The following SAMTOR variants were observed in gnomAD, a reference collection of about 807,000 sequenced individuals.
The protein encoded by SAMTOR is UPF0532 protein C7orf60.
chr7:112,876,631 A>G, the SAMTOR span, among the ~76,000 whole-genome samples: 1 of 152,138 alleles, frequency 6.6e-6, no homozygotes, highest in Non-Finnish European at 1.5e-5. Flanking sequence ...TGGTTTCTCC[A>G]TTAAAGAGTA....
At chr7:112,855,393 G>A in the SAMTOR span, among the ~76,000 whole-genome samples, 1 of 152,174 alleles carries the variant, frequency 6.6e-6, no homozygotes, top group Non-Finnish European at 1.5e-5. Context: ...GGCAGGCATG[G>A]CTGGTACTCT....
At chr7:112,907,275 T>G in the SAMTOR span, among the ~76,000 whole-genome samples, 9 of 152,132 alleles carry the variant, frequency 5.9e-5, no homozygotes, top group Admixed American at 3.3e-4. Context: ...GGGAAATGGA[T>G]AACTTTGGTA....
chr7:112,864,743 T>G, the SAMTOR span, among the ~76,000 whole-genome samples: 1 of 152,164 alleles, frequency 6.6e-6, no homozygotes, highest in East Asian at 1.9e-4. Context: ...TGGCTAAAGT[T>G]CTTCAAAAAT....
chr7:112,919,014 C>T, the SAMTOR span, among the ~76,000 whole-genome samples: 2 of 152,122 alleles, frequency 1.3e-5, no homozygotes, highest in Non-Finnish European at 2.9e-5. Context: ...CTTTAACACC[C>T]CACTGTCAAC....
chr7:112,849,398 G>T, the SAMTOR span, among the ~76,000 whole-genome samples: 1 of 152,110 alleles, frequency 6.6e-6, no homozygotes, highest in Admixed American at 6.5e-5. Flanking sequence ...ACTAGTATGT[G>T]ACCTTAGAAA....
chr7:112,923,679 CATCCCATTACTGGGT>C, the SAMTOR span, among the ~76,000 whole-genome samples: 1 of 151,880 alleles, frequency 6.6e-6, no homozygotes, highest in South Asian at 2.1e-4. Flanking sequence ...TTGACCCAGC[CATCCCATTACTGGGT>C]ATATACCCAA....
At chr7:112,824,604 G>A in the SAMTOR span, among the ~76,000 whole-genome samples, 10 of 151,938 alleles carry the variant, frequency 6.6e-5, no homozygotes, top group South Asian at 2.1e-4. Context: ...CTTGTGATCC[G>A]CCCACCTTGG....
the SAMTOR span, among the ~76,000 whole-genome samples, chr7:112,897,555 C>G: frequency 6.6e-6 from 1 of 152,148 alleles, no homozygotes; most frequent in East Asian, 1.9e-4. Context: ...CCAATATCCC[C>G]ATATACCCTC....
At chr7:112,892,055 T>A in the SAMTOR span, among the ~76,000 whole-genome samples, 1 of 152,254 alleles carries the variant, frequency 6.6e-6, no homozygotes, top group Non-Finnish European at 1.5e-5. Context: ...ACCCAACCAC[T>A]GCTTTATCAA....
chr7:112,911,291 T>C, the SAMTOR span, among the ~76,000 whole-genome samples: 27 of 152,022 alleles, frequency 1.8e-4, no homozygotes, highest in African/African-American at 4.6e-4. Context: ...TGCAAGAGAG[T>C]TGCACCTGTA....
At chr7:112,875,641 G>A in the SAMTOR span, among the ~76,000 whole-genome samples, 174 of 152,198 alleles carry the variant, frequency 1.1e-3, 1 homozygote, top group African/African-American at 4.1e-3. Context: ...CCTCTTAAGA[G>A]TATCATTACT....
At chr7:112,857,273 A>G in the SAMTOR span, among the ~76,000 whole-genome samples, 2 of 149,060 alleles carry the variant, frequency 1.3e-5, no homozygotes, top group African/African-American at 5.0e-5. Flanking sequence ...TTGTATTTTT[A>G]GTAGAGACGG....
chr7:112,922,107 C>T, the SAMTOR span, among the ~76,000 whole-genome samples: 4 of 152,142 alleles, frequency 2.6e-5, no homozygotes, highest in Admixed American at 6.5e-5. Flanking sequence ...AGGCGCGCGC[C>T]GCCACGCCTG....
the SAMTOR span, chr7:112,819,992 A>C: frequency 2.0e-5 from 3 of 152,400 alleles, no homozygotes; most frequent in Non-Finnish European, 4.4e-5. Context: ...ACAAGACATA[A>C]TCCTTCAGTG....
At chr7:112,928,397 A>C in the SAMTOR span, among the ~76,000 whole-genome samples, 27 of 151,782 alleles carry the variant, frequency 1.8e-4, no homozygotes, top group Non-Finnish European at 3.7e-4. Flanking sequence ...ATCATCTTAC[A>C]CTTCCCTCAT....
At chr7:112,826,677 T>G in the SAMTOR span, among the ~76,000 whole-genome samples, 1 of 152,158 alleles carries the variant, frequency 6.6e-6, no homozygotes, top group Non-Finnish European at 1.5e-5. Flanking sequence ...GCTCTTCTTT[T>G]TTCTTCTAGT....
the SAMTOR span, among the ~76,000 whole-genome samples, chr7:112,917,344 G>C: frequency 6.6e-5 from 10 of 152,248 alleles, no homozygotes; most frequent in Non-Finnish European, 4.4e-5. Context: ...ACAGGGTCTG[G>C]AGTGGACCTC....
the SAMTOR span, chr7:112,822,245 A>G: frequency 4.2e-5 from 67 of 1,613,562 alleles, no homozygotes; most frequent in Middle Eastern, 6.6e-4. Context: ...AAACAACCAC[A>G]TGGAAAAGCT....
chr7:112,909,126 G>A, the SAMTOR span, among the ~76,000 whole-genome samples: 1 of 152,174 alleles, frequency 6.6e-6, no homozygotes, highest in Admixed American at 6.5e-5. Flanking sequence ...TGCTTTTAAT[G>A]TCCAATGCCT....
Sources: gnomAD v4.1 joint callset for allele counts (sites outside exome capture counted in the v4.1 genomes callset) on GRCh38, gnomAD v4.1.1 for gene constraint, MANE v1.5 for transcripts, NCBI Gene and HGNC (gene_info 2026-07-23, HGNC 2026-07-21) for gene names.